STAU1: variants seen among roughly 807,000 people sequenced by gnomAD.
The protein encoded by STAU1 is double-stranded RNA-binding protein Staufen homolog 1.
In STAU1, 13 loss-of-function variants were observed where a neutral mutation model predicts 62.9. The ratio of observed to expected loss-of-function variants is 0.21; its 90% CI spans 0.13 to 0.33. STAU1 has a LOEUF of 0.33. Ranked by LOEUF, STAU1 falls within the 10% of genes least tolerant of loss-of-function variation. STAU1 has a pLI of 1.00. For missense variants in STAU1, 571 were observed against 712.1 expected, an observed-to-expected ratio of 0.80 and a Z score of 2.25; for synonymous variants, 269 against 265.1, an observed-to-expected ratio of 1.01 and a Z score of -0.14.
chr20:49,200,947 G>A, the STAU1 span, among the ~76,000 whole-genome samples: 1 of 146,126 alleles, frequency 6.8e-6, no homozygotes, highest in Admixed American at 7.2e-5. Flanking sequence ...GCTGAGGCAG[G>A]AGGATCACTT....
At chr20:49,153,422 G>A (rs1038566331) in intron 4 of STAU1, among the ~76,000 whole-genome samples, 5 of 147,130 alleles carry the variant, frequency 3.4e-5, no homozygotes, top group South Asian at 2.2e-4. Flanking sequence ...AAAAAGAGGC[G>A]CAGCCAGGTG....
At chr20:49,137,110 G>A (rs2092902498) in intron 5 of STAU1, among the ~76,000 whole-genome samples, 1 of 152,172 alleles carries the variant, frequency 6.6e-6, no homozygotes, top group African/African-American at 2.4e-5. Context: ...GCTACAGTGA[G>A]CTGTGATCAT....
intron 6 of STAU1, among the ~76,000 whole-genome samples, chr20:49,125,197 G>GA (rs2092571503): frequency 9.0e-5 from 1 of 11,096 alleles, no homozygotes; most frequent in East Asian, 1.9e-3. Flanking sequence ...GCTCATTTTT[G>GA]CAAAAAAAAA....
intron 5 of STAU1, 81 bp downstream of exon 5, chr20:49,151,501 G>T: frequency 7.4e-7 from 1 of 1,358,966 alleles, no homozygotes; most frequent in South Asian, 2.0e-5. Flanking sequence ...TGCCTTCTTA[G>T]AAAAGATAAT....
chr20:49,176,833 A>C (rs1327014720), intron 1 of STAU1, among the ~76,000 whole-genome samples: 1 of 151,930 alleles, frequency 6.6e-6, no homozygotes. Flanking sequence ...TATGTTGAAC[A>C]ATTTTTGTAA....
the STAU1 span, among the ~76,000 whole-genome samples, chr20:49,213,479 C>T: frequency 1.3e-5 from 2 of 152,068 alleles, no homozygotes; most frequent in Admixed American, 6.6e-5. Context: ...CCACCTGCCT[C>T]GGGCTCCCAA....
chr20:49,144,022 A>C (rs2093068379), intron 5 of STAU1, among the ~76,000 whole-genome samples: 1 of 152,230 alleles, frequency 6.6e-6, no homozygotes, highest in Non-Finnish European at 1.5e-5. Context: ...CAAACACACT[A>C]CTTTTGAAAC....
chr20:49,187,708 C>A (rs1449252529), intron 1 of STAU1, among the ~76,000 whole-genome samples: 1 of 151,888 alleles, frequency 6.6e-6, no homozygotes, highest in Non-Finnish European at 1.5e-5. Context: ...TGCTCTTAAC[C>A]ACTAAGCTAC....
At chr20:49,129,280 A>ATTTTTTTTTTTTTTTTTTTTT (rs71184264) in intron 6 of STAU1, among the ~76,000 whole-genome samples, 1 of 87,928 alleles carries the variant, frequency 1.1e-5, no homozygotes, top group Non-Finnish European at 2.0e-5. Flanking sequence ...TTAAAAAAAA[A>ATTTTTTTTTTTTTTTTTTTTT]TTTTTTTTTT....
At chr20:49,207,057 A>G in the STAU1 span, among the ~76,000 whole-genome samples, 1 of 151,964 alleles carries the variant, frequency 6.6e-6, no homozygotes, top group African/African-American at 2.4e-5. Flanking sequence ...CCTGGCCAAA[A>G]AAATAATTTT....
intron 6 of STAU1, among the ~76,000 whole-genome samples, chr20:49,127,071 C>T (rs1197576336): frequency 6.6e-6 from 1 of 152,132 alleles, no homozygotes; most frequent in Non-Finnish European, 1.5e-5. Context: ...TTAAAAACCA[C>T]TGGCCGGGCG....
At chr20:49,212,641 C>CTTTTTT in the STAU1 span, among the ~76,000 whole-genome samples, 1 of 15,474 alleles carries the variant, frequency 6.5e-5, no homozygotes, top group Non-Finnish European at 1.5e-4. Context: ...CAGAGTTTTG[C>CTTTTTT]TCTTGTTGCC....
At chr20:49,125,111 T>C (rs2092567772) in intron 6 of STAU1, among the ~76,000 whole-genome samples, 1 of 125,036 alleles carries the variant, frequency 8.0e-6, no homozygotes, top group Non-Finnish European at 1.6e-5. Flanking sequence ...GAGTATATGG[T>C]ATGGTAGCTT....
chr20:49,219,159 C>G, the STAU1 span: 3 of 567,876 alleles, frequency 5.3e-6, no homozygotes, highest in Non-Finnish European at 9.4e-6. Flanking sequence ...AAATGCAACT[C>G]TTTAGACTCT....
At chr20:49,133,057 T>A (rs761283835) in intron 6 of STAU1, among the ~76,000 whole-genome samples, 2 of 152,146 alleles carry the variant, frequency 1.3e-5, no homozygotes, top group Non-Finnish European at 2.9e-5. Flanking sequence ...CGCCACCAAC[T>A]ACATGCAAGC....
chr20:49,217,950 C>T, the STAU1 span, among the ~76,000 whole-genome samples: 5 of 150,180 alleles, frequency 3.3e-5, no homozygotes, highest in Middle Eastern at 3.5e-3. Context: ...CTCAGCTCAC[C>T]GCAACTTCCG....
At chr20:49,125,641 T>C (rs2092594391) in intron 6 of STAU1, among the ~76,000 whole-genome samples, 1 of 150,184 alleles carries the variant, frequency 6.7e-6, no homozygotes. Flanking sequence ...GGTCAGGAGA[T>C]CGAGACCATC....
the STAU1 span, among the ~76,000 whole-genome samples, chr20:49,213,395 A>G: frequency 6.6e-6 from 1 of 151,858 alleles, no homozygotes; most frequent in Non-Finnish European, 1.5e-5. Context: ...CAACCCGGCT[A>G]ATTTTTGTAT....
chr20:49,186,747 G>C (rs2093792390), intron 1 of STAU1, among the ~76,000 whole-genome samples: 1 of 152,012 alleles, frequency 6.6e-6, no homozygotes, highest in Non-Finnish European at 1.5e-5. Context: ...ACCTCAACAA[G>C]TAGCAATGCA....
Sources: gnomAD v4.1 joint callset for allele counts (sites outside exome capture counted in the v4.1 genomes callset) on GRCh38, gnomAD v4.1.1 for gene constraint, MANE v1.5 for transcripts, NCBI Gene and HGNC (gene_info 2026-07-23, HGNC 2026-07-21) for gene names.